ENTREP2: variants seen among roughly 807,000 people sequenced by gnomAD.
ENTREP2 encodes the protein protein ENTREP2.
chr15:29,571,472 C>T, the ENTREP2 span, among the ~76,000 whole-genome samples: 1 of 151,472 alleles, frequency 6.6e-6, no homozygotes, highest in Non-Finnish European at 1.5e-5. Context: ...ATGCAAAAAT[C>T]CAAGATCCAA....
chr15:29,669,167 C>T, the ENTREP2 span, among the ~76,000 whole-genome samples: 6 of 152,160 alleles, frequency 3.9e-5, no homozygotes, highest in Admixed American at 2.0e-4. Flanking sequence ...AAGATTGCGC[C>T]GCTGAACTCC....
chr15:29,294,112 G>C, the ENTREP2 span, among the ~76,000 whole-genome samples: 4 of 152,196 alleles, frequency 2.6e-5, no homozygotes, highest in African/African-American at 9.6e-5. Context: ...CCTCTGGGGG[G>C]ACAGTCAACA....
the ENTREP2 span, chr15:29,195,269 T>C: frequency 1.0e-6 from 1 of 985,204 alleles, no homozygotes; most frequent in African/African-American, 1.7e-5. Context: ...AGTCCTACCA[T>C]GGAGATGAGC....
the ENTREP2 span, among the ~76,000 whole-genome samples, chr15:29,355,299 G>A: frequency 1.3e-5 from 2 of 152,088 alleles, no homozygotes; most frequent in African/African-American, 4.8e-5. Flanking sequence ...GCTTCCTGCT[G>A]GGATACTGAG....
the ENTREP2 span, among the ~76,000 whole-genome samples, chr15:29,143,994 G>A: frequency 1.3e-5 from 2 of 152,166 alleles, no homozygotes; most frequent in Non-Finnish European, 2.9e-5. Context: ...CATTTCGCCT[G>A]GAACTAAATG....
At chr15:29,124,896 G>C in the ENTREP2 span, 687,654 of 754,668 alleles carry the variant, frequency 0.91, 313,567 homozygotes, top group Middle Eastern at 0.95. Context: ...GACACCCACC[G>C]AGCGGCAGAT....
chr15:29,570,058 A>G, the ENTREP2 span: 7 of 50,366 alleles, frequency 1.4e-4, no homozygotes, highest in East Asian at 5.4e-3. Context: ...CCCACCCCCC[A>G]CCCCCACCGC....
chr15:29,596,447 A>C, the ENTREP2 span, among the ~76,000 whole-genome samples: 60 of 152,226 alleles, frequency 3.9e-4, no homozygotes, highest in East Asian at 0.011. Flanking sequence ...GTGGTTTCAG[A>C]ATTGTTAGCT....
the ENTREP2 span, among the ~76,000 whole-genome samples, chr15:29,223,154 ACTTT>A: frequency 1.3e-5 from 2 of 152,242 alleles, no homozygotes; most frequent in African/African-American, 2.4e-5. Context: ...TTTAAAGTTT[ACTTT>A]CTTTTATTCT....
chr15:29,252,882 A>G, the ENTREP2 span, among the ~76,000 whole-genome samples: 1 of 152,222 alleles, frequency 6.6e-6, no homozygotes, highest in Non-Finnish European at 1.5e-5. Context: ...TTTCATACAC[A>G]TGCAAAACCA....
At chr15:29,145,539 C>T in the ENTREP2 span, among the ~76,000 whole-genome samples, 2 of 139,244 alleles carry the variant, frequency 1.4e-5, no homozygotes, top group Admixed American at 7.9e-5. Flanking sequence ...AGGAGAATGG[C>T]GTGAACCCGG....
chr15:29,188,820 G>T, the ENTREP2 span, among the ~76,000 whole-genome samples: 2 of 152,204 alleles, frequency 1.3e-5, no homozygotes, highest in African/African-American at 4.8e-5. Context: ...AGGGACAGAG[G>T]CTGGAAACGG....
chr15:29,118,895 G>A, the ENTREP2 span, among the ~76,000 whole-genome samples: 2 of 152,192 alleles, frequency 1.3e-5, no homozygotes, highest in South Asian at 2.1e-4. Flanking sequence ...GGTGGCCTGG[G>A]GTCCAGCTGG....
the ENTREP2 span, among the ~76,000 whole-genome samples, chr15:29,178,165 G>A: frequency 2.6e-5 from 4 of 151,684 alleles, no homozygotes; most frequent in African/African-American, 4.8e-5. Flanking sequence ...ATGGTGGTAC[G>A]TGTCTATGGT....
At chr15:29,664,009 CA>C in the ENTREP2 span, among the ~76,000 whole-genome samples, 1 of 137,930 alleles carries the variant, frequency 7.3e-6, no homozygotes, top group Non-Finnish European at 1.5e-5. Flanking sequence ...GCCTGGGCAA[CA>C]AGAGTGAAAC....
chr15:29,220,577 T>C, the ENTREP2 span, among the ~76,000 whole-genome samples: 4 of 152,192 alleles, frequency 2.6e-5, no homozygotes, highest in Admixed American at 6.5e-5. Flanking sequence ...CTTTATCTGC[T>C]AATTGCGTTT....
the ENTREP2 span, among the ~76,000 whole-genome samples, chr15:29,407,513 G>C: frequency 6.6e-6 from 1 of 152,264 alleles, no homozygotes; most frequent in East Asian, 1.9e-4. Context: ...AGAAAACAGA[G>C]GCTCTAGCCC....
chr15:29,444,176 A>C, the ENTREP2 span, among the ~76,000 whole-genome samples: 28,214 of 54,240 alleles, frequency 0.52, 5,066 homozygotes, highest in South Asian at 0.57. Flanking sequence ...CAGACAAAGA[A>C]AGAAAGAAAG....
the ENTREP2 span, among the ~76,000 whole-genome samples, chr15:29,292,789 G>A: frequency 6.6e-6 from 1 of 152,132 alleles, no homozygotes; most frequent in African/African-American, 2.4e-5. Flanking sequence ...TACATCTTTG[G>A]TTTTAAAAGG....
Sources: gnomAD v4.1 joint callset for allele counts (sites outside exome capture counted in the v4.1 genomes callset) on GRCh38, gnomAD v4.1.1 for gene constraint, MANE v1.5 for transcripts, NCBI Gene and HGNC (gene_info 2026-07-23, HGNC 2026-07-21) for gene names.